Variants in LEP observed in about 807,000 individuals in gnomAD.
The protein encoded by LEP is leptin (murine obesity homolog).
In LEP, 6 loss-of-function variants were observed where a neutral mutation model predicts 9.8. The ratio of observed to expected loss-of-function variants is 0.61; its 90% confidence interval spans 0.34 to 1.21. LEP has a LOEUF of 1.21. Among genes scored for constraint, LEP ranks in the 50% most tolerant of loss-of-function variants. The pLI is 0.04. For synonymous variants in LEP, 112 were observed against 81.7 expected, an observed-to-expected ratio of 1.37 and a Z score of -2.00; for missense variants, 134 against 198.1, an observed-to-expected ratio of 0.68 and a Z score of 1.94.
At chr7:128,253,056 T>A (rs1584606920) in intron 2 of LEP, among the ~76,000 whole-genome samples, 1 of 152,154 alleles carries the variant, frequency 6.6e-6, no homozygotes, top group East Asian at 1.9e-4. Context: ...TGTCCCCACC[T>A]TCTGCGCTCG....
chr7:128,251,916 T>C, intron 1 of LEP, 75 bp from the exon 2 acceptor site: 4 of 1,175,786 alleles, frequency 3.4e-6, no homozygotes, highest in Non-Finnish European at 2.6e-6. Flanking sequence ...CGTCTGGTAA[T>C]GTGGTTGGTA....
In LEP at chr7:128,254,580, T is replaced by A; in HGVS notation, c.321T>A (p.Leu107=). 1 of 1,614,182 alleles carries A rather than the reference T, an allele frequency of 6.2e-7. No homozygotes were observed. The highest frequency in any genetic ancestry group is 8.5e-7 in the Non-Finnish European group (1 of 1,180,024). ...ACGACCTGGAGAACCTCCGGGATCTTCTTCACGTGCTGGCCTTCTCTAAGA... is the reference window on the plus strand; with the variant it reads ...ACGACCTGGAGAACCTCCGGGATCTACTTCACGTGCTGGCCTTCTCTAAGA... ...ISNDLENLRD[L]LHVLAFSKSC... Residue 107 remains leucine (L), a synonymous_variant, in exon 3 of 3, where the codon CTT becomes CTA. Transcript: ENST00000308868.
chr7:128,242,797 T>C (rs778044668), intron 1 of LEP, among the ~76,000 whole-genome samples: 7 of 152,198 alleles, frequency 4.6e-5, no homozygotes, highest in Non-Finnish European at 1.0e-4. Flanking sequence ...GGCAGATGCC[T>C]TGCACGTCTG....
In LEP at chr7:128,255,050, A is replaced by G. The variant is rs28954117; in HGVS notation, c.*287A>G. ...ACCAAGGTCTTCAGCCATCAACAAG[A>G]GTTGTCTTGTCCCCTCTTGACCCAT... On this transcript the variant is annotated 3_prime_UTR_variant, in exon 3 of 3. Transcript: ENST00000308868. 280 of 451,806 alleles carry G rather than the reference A, an allele frequency of 6.2e-4. No individual in the cohort carries two copies. Among genetic ancestry groups the G allele is most frequent in the African/African-American group, 5.3e-3 (267 of 50,426 alleles). The allele number at this position is 451,806 out of a possible 1,614,324, so 28.0% of individuals were successfully genotyped here. A position where few individuals can be genotyped will look rare whatever the true frequency, so the allele number is the denominator to read the frequency against.
At chr7:128,248,065 G>A (rs2116213967) in intron 1 of LEP, among the ~76,000 whole-genome samples, 1 of 152,306 alleles carries the variant, frequency 6.6e-6, no homozygotes, top group East Asian at 1.9e-4. Flanking sequence ...GGCCGAGGTG[G>A]GCAGATAATC....
chr7:128,255,082 C>T lies in LEP; in HGVS notation c.*319C>T, dbSNP rs1003569391. ...TTGTCCCCTCTTGACCCATCTCCCC[C>T]TCACTGAATGCCTCAATGTGACCAG... On this transcript the variant is annotated 3_prime_UTR_variant, in exon 3 of 3. Coordinates refer to ENST00000308868, the MANE Select transcript of LEP (RefSeq NM_000230.3). The T allele has an allele frequency of 5.2e-6, 2 of 385,744 alleles. No homozygotes were observed. Among genetic ancestry groups the T allele is most frequent in the African/African-American group, 4.1e-5 (2 of 48,390 alleles). 23.9% of individuals were successfully genotyped at this position (385,744 alleles called of 1,614,324 possible).
intron 2 of LEP, among the ~76,000 whole-genome samples, chr7:128,253,169 TCTC>T (rs1255124609): frequency 2.0e-5 from 3 of 152,154 alleles, no homozygotes; most frequent in Non-Finnish European, 4.4e-5. Flanking sequence ...CCCAGAAGCA[TCTC>T]CTCAGGGCCT....
intron 1 of LEP, among the ~76,000 whole-genome samples, chr7:128,243,605 C>T (rs1344673350): frequency 6.6e-6 from 1 of 152,138 alleles, no homozygotes; most frequent in Admixed American, 6.5e-5. Context: ...AGACCAAGGT[C>T]CCCAAGAGAG....
At chr7:128,246,080 A>T (rs1177514833) in intron 1 of LEP, among the ~76,000 whole-genome samples, 5 of 151,510 alleles carry the variant, frequency 3.3e-5, no homozygotes, top group Admixed American at 2.6e-4. Flanking sequence ...AAAAAAAAAT[A>T]AAAAAATAAA....
chr7:128,247,572 T>A (rs545055335), intron 1 of LEP, among the ~76,000 whole-genome samples: 29 of 152,268 alleles, frequency 1.9e-4, no homozygotes, highest in African/African-American at 5.8e-4. Context: ...TAAACCCACC[T>A]GTGTTCTTCC....
intron 1 of LEP, among the ~76,000 whole-genome samples, chr7:128,244,246 G>GACAC (rs60815271): frequency 0.036 from 5,278 of 147,098 alleles, 112 homozygotes; most frequent in Non-Finnish European, 0.046. Flanking sequence ...GCAAGACCCT[G>GACAC]ACACACACAC....
At chr7:128,253,597 T>G (rs753119333) in intron 2 of LEP, among the ~76,000 whole-genome samples, 9 of 152,206 alleles carry the variant, frequency 5.9e-5, no homozygotes, top group Non-Finnish European at 1.3e-4. Flanking sequence ...CTCTGGAGAC[T>G]TCCACGTCTC....
chr7:128,247,290 C>G (rs1795222614), intron 1 of LEP, among the ~76,000 whole-genome samples: 1 of 152,132 alleles, frequency 6.6e-6, no homozygotes, highest in Non-Finnish European at 1.5e-5. Flanking sequence ...GCTCAGACTT[C>G]CAATTCCAAG....
At chr7:128,251,265 G>A (rs939625547) in intron 1 of LEP, among the ~76,000 whole-genome samples, 1 of 152,170 alleles carries the variant, frequency 6.6e-6, no homozygotes, top group Non-Finnish European at 1.5e-5. Flanking sequence ...CCACTCGAGG[G>A]TAGAGAGCAT....
At position 128,252,342 on chromosome 7, in the gene LEP, G is replaced by A. The variant is rs571251915; in HGVS notation, c.144+180G>A. Among the ~76,000 whole-genome samples, 199 of 152,250 alleles carry A rather than the reference G, an allele frequency of 1.3e-3. 8 individuals are homozygous for A. The South Asian group carries it at 0.04, about 31-fold the overall frequency. On this transcript the variant is annotated intron_variant, in intron 2 of 2. Coordinates refer to ENST00000308868, the MANE Select transcript of LEP (RefSeq NM_000230.3). ...TCCACTCTTTCTGGTTGTTTCTTTT[G>A]GCCCCTCTGCCTGCTGAGATTCCAG...
chr7:128,251,768 C>T (rs1345394323), intron 1 of LEP, among the ~76,000 whole-genome samples: 1 of 152,170 alleles, frequency 6.6e-6, no homozygotes, highest in Admixed American at 6.5e-5. Context: ...TACAGGATAC[C>T]TCATGGTGGT....
intron 2 of LEP, 29 bp from the exon 3 acceptor site, chr7:128,254,375 C>T (rs200674028): frequency 1.2e-6 from 2 of 1,610,038 alleles, no homozygotes; most frequent in Non-Finnish European, 1.7e-6. Context: ...ACATGCTGAG[C>T]ACTTGTTCTC....
In LEP at chr7:128,249,011, C is replaced by T. The variant is rs549666685; in HGVS notation, c.-28-2980C>T. On this transcript the variant is annotated intron_variant, in intron 1 of 2. Coordinates refer to ENST00000308868, the MANE Select transcript of LEP (RefSeq NM_000230.3). Reference sequence around the variant, plus strand: ...TAATGGCAAAAACGGCAGTTACTTTCGCACCAACTATTTGCTGCCTTGAAT... The same window carrying T: ...TAATGGCAAAAACGGCAGTTACTTTTGCACCAACTATTTGCTGCCTTGAAT... Among the ~76,000 whole-genome samples, 200 of 152,304 alleles carry T rather than the reference C, an allele frequency of 1.3e-3. 8 individuals carry two copies. In the South Asian group the frequency reaches 0.04, roughly 31 times the overall value.
In LEP at chr7:128,254,679, C is replaced by T; in HGVS notation, c.420C>T (p.Tyr140=). 6.2e-7 allele frequency: 1 copy of T among 1,614,058 alleles called. No homozygotes were observed. The highest frequency in any genetic ancestry group is 8.5e-7 in the Non-Finnish European group (1 of 1,180,010). The part of the protein sequence containing the change: ...SLGGVLEASG[Y]STEVVALSRL... ...GGGGTGTCCTGGAAGCTTCAGGCTA[C>T]TCCACAGAGGTGGTGGCCCTGAGCA... is the stretch of plus-strand genomic sequence containing the variant. The change falls in exon 3 of 3, where the codon TAC becomes TAT. Residue 140 remains tyrosine (Y), a synonymous_variant. Transcript: ENST00000308868.
Sources: gnomAD v4.1 joint callset for allele counts (sites outside exome capture counted in the v4.1 genomes callset) on GRCh38, gnomAD v4.1.1 for gene constraint, MANE v1.5 for transcripts, NCBI Gene and HGNC (gene_info 2026-07-23, HGNC 2026-07-21) for gene names.